KLF12: variants seen among roughly 807,000 people sequenced by gnomAD.
KLF12 encodes the protein Krueppel-like factor 12.
KLF12 carries 9 observed loss-of-function variants against 37.8 expected under a neutral mutation model. The ratio of observed to expected loss-of-function variants is 0.24; its 90% CI spans 0.14 to 0.42. The LOEUF is 0.42. Ranked by LOEUF, KLF12 falls within the 10% of genes least tolerant of loss-of-function variation. KLF12 has a pLI of 1.00. For synonymous variants in KLF12, 208 were observed against 202.1 expected (o/e 1.03, Z -0.25); for missense variants, 411 against 516.0 (o/e 0.80, Z 1.97).
intron 1 of KLF12, among the ~76,000 whole-genome samples, chr13:74,102,718 T>C (rs1233197183): frequency 6.6e-6 from 1 of 151,760 alleles, no homozygotes; most frequent in Non-Finnish European, 1.5e-5. Context: ...AACTCCAACA[T>C]CATCACTGGC....
chr13:74,080,015 C>T (rs1158097450), intron 1 of KLF12, among the ~76,000 whole-genome samples: 1 of 152,178 alleles, frequency 6.6e-6, no homozygotes, highest in African/African-American at 2.4e-5. Context: ...GTGGTAGACA[C>T]ATACTATGTA....
the KLF12 span, among the ~76,000 whole-genome samples, chr13:74,150,883 G>T: frequency 6.6e-6 from 1 of 152,140 alleles, no homozygotes; most frequent in East Asian, 1.9e-4. Flanking sequence ...TTTTATCACA[G>T]TACCCAGAAC....
At chr13:73,890,572 G>T (rs2148748) in intron 3 of KLF12, among the ~76,000 whole-genome samples, 32,686 of 151,862 alleles carry the variant, frequency 0.22, 4,317 homozygotes, top group East Asian at 0.56. Context: ...TTAATTTAAT[G>T]GATTTTACTA....
At chr13:73,897,571 C>A (rs1052230443) in intron 3 of KLF12, among the ~76,000 whole-genome samples, 2 of 152,110 alleles carry the variant, frequency 1.3e-5, no homozygotes, top group Admixed American at 6.5e-5. Flanking sequence ...CTTTTTCAAC[C>A]CCCAAATTCT....
At chr13:73,696,393 C>A (rs565263556) in intron 7 of KLF12, among the ~76,000 whole-genome samples, 33 of 152,048 alleles carry the variant, frequency 2.2e-4, no homozygotes, top group Non-Finnish European at 4.4e-4. Flanking sequence ...GTAATTTGAC[C>A]GGGTCTCTCA....
At chr13:73,889,413 A>G (rs1466284448) in intron 3 of KLF12, among the ~76,000 whole-genome samples, 1 of 152,214 alleles carries the variant, frequency 6.6e-6, no homozygotes, top group Non-Finnish European at 1.5e-5. Flanking sequence ...AGGCACTTGC[A>G]GTAGTGTGTA....
At chr13:74,089,870 C>T (rs547494381) in intron 1 of KLF12, among the ~76,000 whole-genome samples, 1 of 150,556 alleles carries the variant, frequency 6.6e-6, no homozygotes, top group East Asian at 1.9e-4. Flanking sequence ...GATGCTTTAC[C>T]CCTAAGATGA....
intron 2 of KLF12, among the ~76,000 whole-genome samples, chr13:73,982,030 C>T (rs1891700566): frequency 1.3e-5 from 2 of 150,530 alleles, no homozygotes; most frequent in South Asian, 2.1e-4. Flanking sequence ...ACAGTCAATA[C>T]ATATATATTC....
At chr13:73,750,683 T>G (rs976224822) in intron 6 of KLF12, among the ~76,000 whole-genome samples, 1 of 152,202 alleles carries the variant, frequency 6.6e-6, no homozygotes, top group South Asian at 2.1e-4. Flanking sequence ...GCAGGTTTGT[T>G]ACATAGGTAA....
intron 5 of KLF12, among the ~76,000 whole-genome samples, chr13:73,796,989 G>C: frequency 6.6e-6 from 1 of 152,164 alleles, no homozygotes; most frequent in Middle Eastern, 3.2e-3. Flanking sequence ...AAAGGCATCA[G>C]AAAGTGGCTG....
chr13:74,199,068 T>C, the KLF12 span, among the ~76,000 whole-genome samples: 1 of 152,196 alleles, frequency 6.6e-6, no homozygotes, highest in Non-Finnish European at 1.5e-5. Context: ...ATGAGTCCAC[T>C]AGACCCAGAC....
chr13:74,260,690 A>T, the KLF12 span, among the ~76,000 whole-genome samples: 1 of 151,366 alleles, frequency 6.6e-6, no homozygotes, highest in Non-Finnish European at 1.5e-5. Flanking sequence ...GAAAAGCAAT[A>T]AAAAAAATAG....
At chr13:73,778,147 A>G (rs576637105) in intron 5 of KLF12, among the ~76,000 whole-genome samples, 27 of 151,938 alleles carry the variant, frequency 1.8e-4, no homozygotes, top group Non-Finnish European at 3.8e-4. Flanking sequence ...AAAAAAATAA[A>G]AAAAGAAAAC....
chr13:73,905,674 T>A (rs1451507832), intron 3 of KLF12, among the ~76,000 whole-genome samples: 1 of 151,926 alleles, frequency 6.6e-6, no homozygotes, highest in Non-Finnish European at 1.5e-5. Context: ...GATAACATGG[T>A]GAAATACTGC....
intron 4 of KLF12, among the ~76,000 whole-genome samples, chr13:73,839,699 T>A (rs1884640323): frequency 6.6e-6 from 1 of 152,210 alleles, no homozygotes; most frequent in African/African-American, 2.4e-5. Context: ...AGCAAAGTCC[T>A]TAATTGCACG....
chr13:74,296,365 T>G, the KLF12 span, among the ~76,000 whole-genome samples: 1 of 152,146 alleles, frequency 6.6e-6, no homozygotes, highest in East Asian at 1.9e-4. Flanking sequence ...TTCTATGTGG[T>G]ACTATCTCAT....
At chr13:74,037,655 T>C (rs905350609) in intron 1 of KLF12, among the ~76,000 whole-genome samples, 6 of 152,192 alleles carry the variant, frequency 3.9e-5, no homozygotes, top group Non-Finnish European at 7.4e-5. Flanking sequence ...GAACACAACA[T>C]GTGGTCTCTA....
At chr13:74,039,851 T>C (rs924750268) in intron 1 of KLF12, among the ~76,000 whole-genome samples, 3 of 152,236 alleles carry the variant, frequency 2.0e-5, no homozygotes, top group African/African-American at 7.2e-5. Flanking sequence ...GTCTGACACA[T>C]AACACTGTCC....
chr13:73,810,982 C>T (rs372564165), intron 5 of KLF12, among the ~76,000 whole-genome samples: 24 of 44,810 alleles, frequency 5.4e-4, no homozygotes, highest in South Asian at 1.4e-3. Flanking sequence ...ATTTTTCTTT[C>T]TTTTTTTTTT....
Sources: gnomAD v4.1 joint callset for allele counts (sites outside exome capture counted in the v4.1 genomes callset) on GRCh38, gnomAD v4.1.1 for gene constraint, MANE v1.5 for transcripts, NCBI Gene and HGNC (gene_info 2026-07-23, HGNC 2026-07-21) for gene names.